C19orf44: variants seen among roughly 807,000 people sequenced by gnomAD.
The protein encoded by C19orf44 is chromosome 19 open reading frame 44.
Under a neutral mutation model 50.7 loss-of-function variants are expected in C19orf44, and 43 were observed. The ratio of observed to expected loss-of-function variants is 0.85; its 90% confidence interval spans 0.66 to 1.09. C19orf44 has a LOEUF of 1.09. Among genes scored for constraint, C19orf44 ranks in the 50% least tolerant of loss-of-function variants. C19orf44 has a pLI of 0.00. For synonymous variants in C19orf44, 298 were observed against 334.7 expected, an observed-to-expected ratio of 0.89 and a Z score of 1.20; for missense variants, 722 against 836.2, an observed-to-expected ratio of 0.86 and a Z score of 1.68.
intron 3 of C19orf44, among the ~76,000 whole-genome samples, chr19:16,505,878 C>T (rs1203332088): frequency 6.6e-6 from 1 of 151,534 alleles, no homozygotes; most frequent in East Asian, 1.9e-4. Flanking sequence ...GATCGGGTTT[C>T]ACCATGTTGA....
intron 1 of C19orf44, among the ~76,000 whole-genome samples, chr19:16,500,254 G>T (rs909240767): frequency 2.0e-5 from 3 of 152,066 alleles, no homozygotes; most frequent in Non-Finnish European, 4.4e-5. Flanking sequence ...TACACTAAGT[G>T]AAATCTGATT....
At chr19:16,496,487 G>T in intron 1 of C19orf44, 22 bp downstream of exon 1, 1 of 333,214 alleles carries the variant, frequency 3.0e-6, no homozygotes, top group Non-Finnish European at 5.8e-6. Context: ...TGGTGGGGAG[G>T]TGACCTAGCT....
At chr19:16,504,836 T>G (rs1234772098) in intron 3 of C19orf44, among the ~76,000 whole-genome samples, 1 of 151,174 alleles carries the variant, frequency 6.6e-6, no homozygotes, top group Non-Finnish European at 1.5e-5. Flanking sequence ...TTTTTTTTTT[T>G]GAGATGACAT....
chr19:16,500,246 C>T (rs991468860), intron 1 of C19orf44, among the ~76,000 whole-genome samples: 4 of 152,012 alleles, frequency 2.6e-5, no homozygotes, highest in Non-Finnish European at 1.5e-5. Flanking sequence ...ATGGTTCTTA[C>T]ACTAAGTGAA....
chr19:16,507,750 C>G (rs977109873), intron 4 of C19orf44, among the ~76,000 whole-genome samples: 1 of 151,774 alleles, frequency 6.6e-6, no homozygotes, highest in Non-Finnish European at 1.5e-5. Context: ...CCTTGGCCCC[C>G]CAAAGTGCTG....
rs71180303 is a variant in C19orf44 at position 16,497,352 on chromosome 19, C to CT, written c.-2+903dup. On this transcript the variant is annotated intron_variant, in intron 1 of 8. Coordinates refer to ENST00000221671, the MANE Select transcript of C19orf44 (RefSeq NM_032207.4). ...GTCTGGCTACTTTCTTTTTTCTTTC[C>CT]TTTTTTTTTTTTTTTTGAGACAGAT... Among the ~76,000 whole-genome samples the CT allele has an allele frequency of 2.2e-3, 278 of 127,006 alleles. 9 individuals are homozygous for CT. The highest frequency in any genetic ancestry group is 0.014 in the East Asian group (61 of 4,414). The allele number at this position is 127,006 out of a possible 152,430, so 83.3% of individuals were successfully genotyped here. A position where few individuals can be genotyped will look rare whatever the true frequency, so the allele number is the denominator to read the frequency against.
Position 16,502,110 on chromosome 19 carries a change from A to G in C19orf44, c.759+559A>G, listed in dbSNP as rs151211456. The stretch of plus-strand genomic sequence containing the variant: ...TTTTTAGTAGAGACAGGGTTTCTCC[A>G]TGTTGATCAGGCTGGTCTCCAACTC... On this transcript the variant is annotated intron_variant, in intron 2 of 8. Transcript: ENST00000221671. Among the ~76,000 whole-genome samples, 4 of 150,810 alleles carry G rather than the reference A, an allele frequency of 2.7e-5. No homozygotes were observed. The East Asian group carries it at 7.8e-4, about 29-fold the overall frequency.
At position 16,496,410 on chromosome 19, in the gene C19orf44, G is replaced by A. The variant is rs543897651; in HGVS notation, c.-57G>A. 1.6e-5 allele frequency: 8 copies of A among 485,062 alleles called. No homozygotes were observed. The highest frequency in any genetic ancestry group is 5.8e-4 in the Middle Eastern group (1 of 1,710). 30.0% of individuals were successfully genotyped at this position (485,062 alleles called of 1,614,324 possible). A position where few individuals can be genotyped will look rare whatever the true frequency, so the allele number is the denominator to read the frequency against. ...TCTGGCTCTGTTGCCCAGGGCAACCGCTCCTTCAGGCGTGAATGTGGCGGC... is the reference window on the plus strand; with the variant it reads ...TCTGGCTCTGTTGCCCAGGGCAACCACTCCTTCAGGCGTGAATGTGGCGGC... On this transcript the variant is annotated 5_prime_UTR_variant, in exon 1 of 9. Transcript: ENST00000221671.
At chr19:16,496,487 G>A (rs2093409532) in intron 1 of C19orf44, 22 bp downstream of exon 1, 2 of 333,096 alleles carry the variant, frequency 6.0e-6, no homozygotes, top group Admixed American at 8.8e-5. Context: ...TGGTGGGGAG[G>A]TGACCTAGCT....
Position 16,519,369 on chromosome 19 carries a change from A to G in C19orf44, c.*41-725A>G, listed in dbSNP as rs770867301. On this transcript the variant is annotated intron_variant, in intron 8 of 8. Coordinates refer to ENST00000221671, the MANE Select transcript of C19orf44 (RefSeq NM_032207.4). This position sits in a 1 kb window ranked among gnomAD's most constrained non-coding sequence, Gnocchi z 6.0. ...CGCTCCAGCCTGGAAACAGAGACGCAGTCACAACCACAACAAGGCGGAGGC... is the reference window on the plus strand; with the variant it reads ...CGCTCCAGCCTGGAAACAGAGACGCGGTCACAACCACAACAAGGCGGAGGC... 1.2e-6 allele frequency: 2 copies of G among 1,607,188 alleles called. No homozygotes were observed. The highest frequency in any genetic ancestry group is 2.2e-5 in the East Asian group (1 of 44,854).
Position 16,503,197 on chromosome 19 carries a change from T to C in C19orf44, c.892T>C (p.Tyr298His). 1 of 1,614,134 alleles carries C rather than the reference T, an allele frequency of 6.2e-7. No homozygotes were observed. The highest frequency in any genetic ancestry group is 8.5e-7 in the Non-Finnish European group (1 of 1,180,030). The change falls in exon 3 of 9, where the codon TAC (tyrosine) becomes CAC (histidine). Residue 298 changes from tyrosine to histidine, a missense_variant. Physicochemically the swap from Tyr to His is moderately conservative, Grantham distance 83. Coordinates refer to ENST00000221671, the MANE Select transcript of C19orf44 (RefSeq NM_032207.4). ...TLHSTRSRAD[Y>H]PQSHVSSDTA... ...TCACAGCACTCGCTCAAGAGCAGAC[T>C]ACCCACAGAGTCACGTTTCCAGTGA...
Position 16,521,050 on chromosome 19 carries a change from T to C in C19orf44, c.*997T>C. The C allele has an allele frequency of 4.1e-6, 3 of 736,466 alleles. No individual in the cohort carries two copies. The highest frequency in any genetic ancestry group is 3.1e-5 in the South Asian group (2 of 64,416). The allele number at this position is 736,466 out of a possible 1,614,324, so 45.6% of individuals were successfully genotyped here. A position where few individuals can be genotyped will look rare whatever the true frequency, so the allele number is the denominator to read the frequency against. On this transcript the variant is annotated 3_prime_UTR_variant, in exon 9 of 9. Transcript: ENST00000221671. Reference sequence around the variant, plus strand: ...CTGTGGGCTCCGAGCATGGGCGCAGTAGAGCTTGGTTCAGTGTTCCCACAG... The same window carrying C: ...CTGTGGGCTCCGAGCATGGGCGCAGCAGAGCTTGGTTCAGTGTTCCCACAG...
chr19:16,502,449 G>A (rs551302132), intron 2 of C19orf44, among the ~76,000 whole-genome samples: 13 of 151,442 alleles, frequency 8.6e-5, no homozygotes, highest in Non-Finnish European at 1.6e-4. Context: ...TGTTGGCCGT[G>A]ATGGTCTCGA....
rs1476761686 is a variant in C19orf44, at chr19:16,501,331, C to T, written c.539C>T (p.Pro180Leu). 1.9e-6 allele frequency: 3 copies of T among 1,614,030 alleles called. No homozygotes were observed. Among genetic ancestry groups the T allele is most frequent in the Admixed American group, 1.7e-5 (1 of 59,980 alleles). Residue 180 changes from proline (P) to leucine (L), a missense_variant, in exon 2 of 9, where the codon CCT becomes CTT. Transcript: ENST00000221671. ...VSRFLKKKQA[P>L]VENISPEAPA... ...AGGTTTCTAAAGAAGAAACAAGCAC[C>T]TGTTGAAAACATATCCCCTGAAGCA...
chr19:16,514,745 G>C, intron 7 of C19orf44, 82 bp downstream of exon 7: 4 of 1,398,136 alleles, frequency 2.9e-6, no homozygotes, highest in South Asian at 1.5e-5. Flanking sequence ...GATATGGGCC[G>C]GGGCCTGGGC....
chr19:16,507,022 T>C (rs2093442586), intron 4 of C19orf44, among the ~76,000 whole-genome samples: 1 of 152,108 alleles, frequency 6.6e-6, no homozygotes. Flanking sequence ...TTTAGGCCTA[T>C]AGTTTTCAAA....
chr19:16,506,662 G>A lies in C19orf44; in HGVS notation c.1076-39G>A, dbSNP rs1263011756. On this transcript the variant is annotated intron_variant, in intron 3 of 8. Transcript: ENST00000221671. ...GTAAAAATTTATGGAGTAAATAAGA[G>A]AGTAAATGTAAACGCTTATACTCAT... The A allele has an allele frequency of 3.0e-6, 4 of 1,311,812 alleles. No individual in the cohort carries two copies. In the African/African-American group the frequency reaches 4.6e-5, roughly 15 times the overall value. The allele number at this position is 1,311,812 out of a possible 1,614,324, so 81.3% of individuals were successfully genotyped here. A position where few individuals can be genotyped will look rare whatever the true frequency, so the allele number is the denominator to read the frequency against.
Position 16,501,568 on chromosome 19 carries a change from T to TC in C19orf44, c.759+17_759+18insC. On this transcript the variant is annotated intron_variant, in intron 2 of 8. Transcript: ENST00000221671. ...CTATTTTCGGTGAGATTTTTTTTTT[T>TC]TGGTAAATTTATTTTAATTTATTTA... 7.4e-7 allele frequency: 1 copy of TC among 1,358,654 alleles called. No individual in the cohort carries two copies. Among genetic ancestry groups the TC allele is most frequent in the Non-Finnish European group, 9.6e-7 (1 of 1,046,560 alleles). 84.2% of individuals were successfully genotyped at this position (1,358,654 alleles called of 1,614,324 possible).
At chr19:16,502,993 A>C in intron 2 of C19orf44, 72 bp from the exon 3 acceptor site, 1 of 1,459,078 alleles carries the variant, frequency 6.9e-7, no homozygotes, top group Non-Finnish European at 9.3e-7. Flanking sequence ...TCTCAAAAAA[A>C]AAAAACAAAA....
Sources: gnomAD v4.1 joint callset for allele counts (sites outside exome capture counted in the v4.1 genomes callset) on GRCh38, gnomAD v4.1.1 for gene constraint, Gnocchi (gnomAD v3.1) non-coding constraint, MANE v1.5 for transcripts, NCBI Gene and HGNC (gene_info 2026-07-23, HGNC 2026-07-21) for gene names.